GALNTL5: variants seen among roughly 807,000 people sequenced by gnomAD.
The protein encoded by GALNTL5 is polypeptide N-acetylgalactosaminyltransferase like 5.
A neutral mutation model predicts 51.0 loss-of-function variants in GALNTL5; 44 were observed. That is an observed-to-expected ratio of 0.86 (90% CI 0.68 to 1.11). The LOEUF is 1.11. GALNTL5 is among the 50% of genes least tolerant of loss of function. GALNTL5 has a pLI of 0.00. For synonymous variants in GALNTL5, 192 were observed against 182.8 expected, an observed-to-expected ratio of 1.05 and a Z score of -0.41; for missense variants, 528 against 531.8, an observed-to-expected ratio of 0.99 and a Z score of 0.07.
At chr7:151,989,337 G>C (rs1465420011) in intron 5 of GALNTL5, among the ~76,000 whole-genome samples, 1 of 151,564 alleles carries the variant, frequency 6.6e-6, no homozygotes, top group Non-Finnish European at 1.5e-5. Flanking sequence ...ATTTTTAGTA[G>C]AGACGGGGTT....
chr7:151,988,861 G>A (rs188232681), intron 5 of GALNTL5, among the ~76,000 whole-genome samples: 38 of 151,866 alleles, frequency 2.5e-4, no homozygotes, highest in Non-Finnish European at 4.7e-4. Context: ...CCACCATGCC[G>A]GCTAATTTTT....
chr7:151,965,250 T>C (rs1456006814), intron 1 of GALNTL5, among the ~76,000 whole-genome samples: 6 of 152,202 alleles, frequency 3.9e-5, no homozygotes, highest in Admixed American at 3.9e-4. Flanking sequence ...TTCCAAATTG[T>C]TACCACACGT....
chr7:151,983,619 C>T (rs1563011733), intron 4 of GALNTL5, among the ~76,000 whole-genome samples: 3 of 152,108 alleles, frequency 2.0e-5, no homozygotes. Context: ...GGGCCCTGTA[C>T]TTGGGCCCAT....
intron 5 of GALNTL5, among the ~76,000 whole-genome samples, chr7:151,997,447 C>T (rs1428010048): frequency 6.6e-6 from 1 of 152,160 alleles, no homozygotes; most frequent in Non-Finnish European, 1.5e-5. Flanking sequence ...GAAGAGGGAC[C>T]CTCACTACTA....
intron 5 of GALNTL5, among the ~76,000 whole-genome samples, chr7:151,990,489 G>A (rs1289279337): frequency 6.9e-6 from 1 of 145,338 alleles, no homozygotes; most frequent in African/African-American, 2.5e-5. Flanking sequence ...GCTGAGGCAG[G>A]AGAATGGCGT....
chr7:152,005,979 T>C (rs988640502), intron 6 of GALNTL5, among the ~76,000 whole-genome samples: 1 of 152,122 alleles, frequency 6.6e-6, no homozygotes, highest in Non-Finnish European at 1.5e-5. Flanking sequence ...TGGATGAGAA[T>C]CACTATGTGG....
At chr7:151,988,638 C>T (rs575591471) in intron 5 of GALNTL5, among the ~76,000 whole-genome samples, 6 of 151,720 alleles carry the variant, frequency 4.0e-5, no homozygotes, top group South Asian at 2.1e-4. Flanking sequence ...TTCAGACCCG[C>T]GTTTTTATGC....
chr7:151,983,620 T>A (rs1417366046), intron 4 of GALNTL5, among the ~76,000 whole-genome samples: 1 of 152,142 alleles, frequency 6.6e-6, no homozygotes. Context: ...GGCCCTGTAC[T>A]TGGGCCCATG....
At chr7:152,012,466 A>G (rs2081749203) in intron 7 of GALNTL5, among the ~76,000 whole-genome samples, 1 of 152,064 alleles carries the variant, frequency 6.6e-6, no homozygotes, top group African/African-American at 2.4e-5. Flanking sequence ...GTGGGAGTGT[A>G]AATTAGTTCA....
intron 3 of GALNTL5, 150 bp downstream of exon 3, chr7:151,971,215 G>A (rs1217628245): frequency 5.0e-6 from 3 of 604,408 alleles, no homozygotes; most frequent in Non-Finnish European, 8.3e-6. Context: ...AGGACTTGAA[G>A]TCAGATAATG....
chr7:151,959,312 A>T (rs1349767425), intron 1 of GALNTL5, among the ~76,000 whole-genome samples: 1 of 152,058 alleles, frequency 6.6e-6, no homozygotes, highest in Non-Finnish European at 1.5e-5. Flanking sequence ...TAACTTTAAA[A>T]TTTAGATATT....
intron 5 of GALNTL5, among the ~76,000 whole-genome samples, chr7:151,990,376 G>T (rs2081411588): frequency 6.6e-6 from 1 of 151,384 alleles, no homozygotes. Context: ...TCACCAGAAA[G>T]CCCACTTCAC....
At chr7:151,962,609 G>T (rs2178306) in intron 1 of GALNTL5, among the ~76,000 whole-genome samples, 15 of 43,590 alleles carry the variant, frequency 3.4e-4, no homozygotes, top group South Asian at 8.3e-4. Flanking sequence ...TCTGGGTTTT[G>T]TTTGTTTGTT....
intron 8 of GALNTL5, 29 bp from the exon 9 acceptor site, chr7:152,019,617 G>GT (rs1287135723): frequency 1.5e-5 from 23 of 1,585,408 alleles, no homozygotes; most frequent in Non-Finnish European, 1.9e-5. Context: ...TTGGTTGAAC[G>GT]TAACGACTGA....
chr7:151,961,790 G>A (rs1245800589), intron 1 of GALNTL5, among the ~76,000 whole-genome samples: 1 of 152,096 alleles, frequency 6.6e-6, no homozygotes, highest in African/African-American at 2.4e-5. Flanking sequence ...CAGTATCCAT[G>A]CTGTTTGATA....
At chr7:151,991,949 G>A (rs1321064405) in intron 5 of GALNTL5, among the ~76,000 whole-genome samples, 1 of 152,070 alleles carries the variant, frequency 6.6e-6, no homozygotes, top group Non-Finnish European at 1.5e-5. Flanking sequence ...TATTCATTTG[G>A]TGTTTTGTCA....
intron 1 of GALNTL5, among the ~76,000 whole-genome samples, chr7:151,958,771 GC>G (rs1236670644): frequency 2.0e-5 from 3 of 152,138 alleles, no homozygotes; most frequent in Non-Finnish European, 2.9e-5. Context: ...TCCTTGTCCT[GC>G]GTCCAAGAAG....
intron 3 of GALNTL5, among the ~76,000 whole-genome samples, chr7:151,979,210 C>T (rs532373085): frequency 7.6e-4 from 107 of 141,522 alleles, no homozygotes; most frequent in African/African-American, 2.6e-3. Flanking sequence ...CCCGGGTTCA[C>T]GCCATTCTCC....
intron 5 of GALNTL5, among the ~76,000 whole-genome samples, chr7:151,990,196 C>T (rs186319617): frequency 6.6e-6 from 1 of 151,958 alleles, no homozygotes; most frequent in African/African-American, 2.4e-5. Flanking sequence ...GTGCCTGCCA[C>T]CTCACCCAGC....
Sources: gnomAD v4.1 joint callset for allele counts (sites outside exome capture counted in the v4.1 genomes callset) on GRCh38, gnomAD v4.1.1 for gene constraint, MANE v1.5 for transcripts, NCBI Gene and HGNC (gene_info 2026-07-23, HGNC 2026-07-21) for gene names.